NYAP2: variants seen among roughly 807,000 people sequenced by gnomAD.
NYAP2 encodes the protein neuronal tyrosine-phosphorylated phosphoinositide-3-kinase adapter 2.
NYAP2 carries 23 observed loss-of-function variants against 50.4 expected under a neutral mutation model. That is an observed-to-expected ratio of 0.46 (90% CI 0.33 to 0.65). The LOEUF (loss-of-function observed/expected upper bound fraction) is 0.65, where lower values mean the gene tolerates loss of function less well. NYAP2 is among the 30% of genes least tolerant of loss of function. NYAP2 has a pLI of 0.02. For missense variants in NYAP2, 885 were observed against 861.0 expected (o/e 1.03, Z -0.35); for synonymous variants, 394 against 365.2 (o/e 1.08, Z -0.90).
At chr2:225,634,279 C>T (rs1693373567) in intron 6 of NYAP2, among the ~76,000 whole-genome samples, 1 of 152,128 alleles carries the variant, frequency 6.6e-6, no homozygotes, top group Non-Finnish European at 1.5e-5. Flanking sequence ...GCTTTATGCG[C>T]CATATGGTTT....
chr2:225,637,671 C>A (rs970865897), intron 6 of NYAP2, among the ~76,000 whole-genome samples: 5 of 152,054 alleles, frequency 3.3e-5, no homozygotes, highest in Non-Finnish European at 7.4e-5. Context: ...AGCTGTAGCC[C>A]CAAGACTCCC....
chr2:225,603,799 G>GA (rs1692739817), intron 5 of NYAP2, among the ~76,000 whole-genome samples: 1 of 152,080 alleles, frequency 6.6e-6, no homozygotes, highest in Non-Finnish European at 1.5e-5. Flanking sequence ...ATATTGTATT[G>GA]AAAATAGGCT....
intron 5 of NYAP2, among the ~76,000 whole-genome samples, chr2:225,583,713 A>G (rs1692340658): frequency 6.6e-6 from 1 of 152,154 alleles, no homozygotes; most frequent in South Asian, 2.1e-4. Context: ...CATGCAATTG[A>G]TAAATGTTAA....
At chr2:225,549,256 T>G (rs1330739466) in intron 4 of NYAP2, among the ~76,000 whole-genome samples, 2 of 152,244 alleles carry the variant, frequency 1.3e-5, no homozygotes, top group African/African-American at 2.4e-5. Context: ...TTTATAGATG[T>G]GCTTTATCTT....
chr2:225,520,277 T>C (rs1446014488), intron 4 of NYAP2, among the ~76,000 whole-genome samples: 3 of 152,114 alleles, frequency 2.0e-5, no homozygotes, highest in Non-Finnish European at 4.4e-5. Context: ...TTTAGTTTAA[T>C]TAGATCCCAT....
At chr2:225,489,890 C>CG (rs1690374376) in intron 3 of NYAP2, among the ~76,000 whole-genome samples, 2 of 152,136 alleles carry the variant, frequency 1.3e-5, no homozygotes, top group Admixed American at 6.5e-5. Flanking sequence ...TAAAGCTCCC[C>CG]GGGGTGGATC....
the NYAP2 span, among the ~76,000 whole-genome samples, chr2:225,660,939 T>C: frequency 3.3e-5 from 5 of 152,340 alleles, no homozygotes; most frequent in Admixed American, 2.0e-4. Flanking sequence ...TTTATGAATA[T>C]GTGCAGCTGT....
intron 5 of NYAP2, among the ~76,000 whole-genome samples, chr2:225,588,253 T>G (rs16866659): frequency 0.019 from 2,882 of 152,188 alleles, 84 homozygotes; most frequent in African/African-American, 0.065. Flanking sequence ...GATGTCATAG[T>G]ATATTTTTAA....
intron 4 of NYAP2, among the ~76,000 whole-genome samples, chr2:225,563,170 A>C (rs1400996772): frequency 1.3e-5 from 2 of 152,068 alleles, no homozygotes; most frequent in Non-Finnish European, 2.9e-5. Flanking sequence ...TCTAAAGGAG[A>C]AGGACATTAA....
intron 4 of NYAP2, among the ~76,000 whole-genome samples, chr2:225,561,379 G>A (rs1378411857): frequency 6.6e-6 from 1 of 152,096 alleles, no homozygotes; most frequent in Non-Finnish European, 1.5e-5. Flanking sequence ...GAAGCCAGAG[G>A]TGGCTGGAAC....
intron 3 of NYAP2, among the ~76,000 whole-genome samples, chr2:225,497,926 C>T (rs1482777227): frequency 6.6e-6 from 1 of 152,046 alleles, no homozygotes; most frequent in Non-Finnish European, 1.5e-5. Flanking sequence ...GATGACATAA[C>T]TTATTATCTA....
intron 4 of NYAP2, among the ~76,000 whole-genome samples, chr2:225,570,786 C>T (rs532424643): frequency 2.9e-4 from 44 of 152,292 alleles, no homozygotes; most frequent in African/African-American, 1.0e-3. Context: ...ATAATCATGC[C>T]TTCCCAACAG....
At chr2:225,467,813 T>C (rs1466623647) in intron 3 of NYAP2, among the ~76,000 whole-genome samples, 1 of 152,226 alleles carries the variant, frequency 6.6e-6, no homozygotes, top group Non-Finnish European at 1.5e-5. Context: ...CTGAAGTATG[T>C]AGTATAAATT....
chr2:225,570,966 C>T (rs1039233791), intron 4 of NYAP2, among the ~76,000 whole-genome samples: 2 of 152,204 alleles, frequency 1.3e-5, no homozygotes, highest in African/African-American at 4.8e-5. Flanking sequence ...ATGTTCCAAA[C>T]AAGATGAATT....
At chr2:225,561,862 G>T (rs1209985735) in intron 4 of NYAP2, among the ~76,000 whole-genome samples, 1 of 151,844 alleles carries the variant, frequency 6.6e-6, no homozygotes, top group Non-Finnish European at 1.5e-5. Context: ...GTGCTCATCT[G>T]GATGGGGTCC....
intron 4 of NYAP2, among the ~76,000 whole-genome samples, chr2:225,550,332 TATGAG>T (rs1284197322): frequency 6.6e-6 from 1 of 152,086 alleles, no homozygotes; most frequent in Non-Finnish European, 1.5e-5. Flanking sequence ...TACAGTATTA[TATGAG>T]ATATTACAAA....
intron 3 of NYAP2, among the ~76,000 whole-genome samples, chr2:225,418,580 G>C (rs1204907935): frequency 6.6e-6 from 1 of 152,104 alleles, no homozygotes; most frequent in Non-Finnish European, 1.5e-5. Flanking sequence ...CAAAAAGGAT[G>C]GTGTTTCCAT....
rs969347429 is a variant in NYAP2, at chr2:225,581,861, G to T, written c.524-80G>T. 9.4e-6 allele frequency: 13 copies of T among 1,377,796 alleles called. 1 individual carries two copies. The Admixed American group carries it at 1.1e-4, about 12-fold the overall frequency. The allele number at this position is 1,377,796 out of a possible 1,614,324, so 85.3% of individuals were successfully genotyped here. On this transcript the variant is annotated intron_variant, in intron 4 of 6. Coordinates refer to ENST00000636099, the Ensembl canonical transcript of NYAP2. ...CTACCCCTCTGGCCTAAAGTTTATTGTAGTAAACCCACATGCAAATCATTT... is the reference window on the plus strand; with the variant it reads ...CTACCCCTCTGGCCTAAAGTTTATTTTAGTAAACCCACATGCAAATCATTT...
intron 4 of NYAP2, among the ~76,000 whole-genome samples, chr2:225,562,747 G>T (rs374824557): frequency 6.6e-6 from 1 of 152,072 alleles, no homozygotes. Flanking sequence ...CCTCGCTCCT[G>T]TTAAGATTAA....
Sources: allele counts gnomAD v4.1 joint callset (sites outside exome capture counted in the v4.1 genomes callset), GRCh38; gene constraint gnomAD v4.1.1; transcripts MANE v1.5; gene names NCBI Gene and HGNC (gene_info 2026-07-23, HGNC 2026-07-21).